Variants in PSMD4 observed in about 807,000 individuals in gnomAD.
PSMD4 encodes 26S proteasome non-ATPase regulatory subunit 4.
A neutral mutation model predicts 39.7 loss-of-function variants in PSMD4; 5 were observed. The observed-to-expected ratio is 0.13, with a 90% CI of 0.07 to 0.26. PSMD4 has a LOEUF of 0.26. Ranked by LOEUF, PSMD4 falls within the 10% of genes least tolerant of loss-of-function variation. The pLI, the probability that PSMD4 is intolerant of heterozygous loss-of-function variation, is 1.00. For synonymous variants in PSMD4, 143 were observed against 174.6 expected (o/e 0.82, Z 1.43); for missense variants, 272 against 486.1 (o/e 0.56, Z 4.14).
chr1:151,262,018 G>T, intron 1 of PSMD4, 143 bp from the exon 2 acceptor site: 9 of 743,308 alleles, frequency 1.2e-5, no homozygotes, highest in Non-Finnish European at 1.7e-5. Context: ...GCTAAGGCTT[G>T]ATCATCTGTA....
chr1:151,264,160 G>A (rs1360392271), intron 3 of PSMD4, 132 bp downstream of exon 3: 1 of 656,750 alleles, frequency 1.5e-6, no homozygotes, highest in Non-Finnish European at 2.6e-6. Flanking sequence ...GAAAGGATAT[G>A]GGGGATGAAT....
Position 151,261,546 on chromosome 1 carries a change from A to G in PSMD4, c.27-615A>G, listed in dbSNP as rs146739799. The stretch of plus-strand genomic sequence containing the variant: ...TGCCATTTAATGGCAGACTTAGAGT[A>G]TTTATCCATGACAAAGCTTAGTAGC... On this transcript the variant is annotated intron_variant, in intron 1 of 9. Coordinates refer to ENST00000368884, the MANE Select transcript of PSMD4 (RefSeq NM_002810.4). Among the ~76,000 whole-genome samples the G allele has an allele frequency of 4.6e-3, 694 of 152,290 alleles. 7 individuals are homozygous for G. Among genetic ancestry groups the G allele is most frequent in the African/African-American group, 0.016 (658 of 41,564 alleles).
In PSMD4 at chr1:151,266,359, G is replaced by A. The variant is rs772634898; in HGVS notation, c.815G>A (p.Arg272His). Reference protein sequence around the residue: ...KMTISQQEFGRTGLPDLSSMT... With the variant: ...KMTISQQEFGHTGLPDLSSMT... ...ACCATCAGCCAGCAAGAGTTTGGCC[G>A]CACTGGGCTTCCTGACCTAAGCAGT... Residue 272 changes from arginine to histidine, a missense_variant, in exon 8 of 10, where the codon CGC (arginine) becomes CAC (histidine). This residue lies in a region of PSMD4 where 113 missense variants were observed against 184.6 expected (regional missense o/e 0.61). Transcript: ENST00000368884. 4.5e-5 allele frequency: 73 copies of A among 1,614,064 alleles called. No individual in the cohort carries two copies. Among genetic ancestry groups the A allele is most frequent in the Middle Eastern group, 3.3e-4 (2 of 6,082 alleles).
At chr1:151,261,464 C>T (rs369501417) in intron 1 of PSMD4, among the ~76,000 whole-genome samples, 9 of 152,036 alleles carry the variant, frequency 5.9e-5, no homozygotes, top group East Asian at 5.8e-4. Flanking sequence ...CATGAGCCAC[C>T]GCGCCCAGCT....
chr1:151,264,740 A>G (rs1188434118), intron 3 of PSMD4, 92 bp from the exon 4 acceptor site: 1 of 1,032,678 alleles, frequency 9.7e-7, no homozygotes, highest in Non-Finnish European at 1.5e-6. Context: ...TTCAGGTACA[A>G]AGAAACTGTA....
rs587772718 is a variant in PSMD4, at chr1:151,257,512, G to T, written c.26+2704G>T. 1.4e-4 allele frequency among the ~76,000 whole-genome samples: 21 copies of T among 152,146 alleles called. No homozygotes were observed. In the South Asian group the frequency reaches 3.3e-3, roughly 24 times the overall value. On this transcript the variant is annotated intron_variant, in intron 1 of 9. Transcript: ENST00000368884. ...GTTTGATAGGAGTAGCATTGAATCT[G>T]TAAATTGCTGTGGGAAGAATGGCCA...
intron 1 of PSMD4, among the ~76,000 whole-genome samples, chr1:151,256,053 G>C (rs1208547388): frequency 3.4e-5 from 4 of 116,434 alleles, no homozygotes; most frequent in Non-Finnish European, 5.6e-5. Context: ...ATCGTCTTTT[G>C]AAAAGTGTCT....
At chr1:151,260,574 C>A (rs997862789) in intron 1 of PSMD4, among the ~76,000 whole-genome samples, 3 of 152,060 alleles carry the variant, frequency 2.0e-5, no homozygotes, top group African/African-American at 2.4e-5. Context: ...ATTTTATAGA[C>A]CTCTTTTTTT....
chr1:151,261,993 A>T (rs1326241827), intron 1 of PSMD4, among the ~76,000 whole-genome samples, 168 bp from the exon 2 acceptor site: 7 of 150,904 alleles, frequency 4.6e-5, no homozygotes, highest in African/African-American at 1.7e-4. Flanking sequence ...GGTTATTCTG[A>T]GTCAATAAAT....
intron 1 of PSMD4, among the ~76,000 whole-genome samples, chr1:151,256,024 G>A (rs1221231912): frequency 6.6e-6 from 1 of 151,366 alleles, no homozygotes; most frequent in Non-Finnish European, 1.5e-5. Flanking sequence ...TTTTTAATAG[G>A]CTTGTTGGCT....
At chr1:151,265,733 A>T in intron 6 of PSMD4, 124 bp downstream of exon 6, 1 of 1,135,730 alleles carries the variant, frequency 8.8e-7, no homozygotes, top group Non-Finnish European at 1.2e-6. Flanking sequence ...ATTTTCCAAG[A>T]CCTCCTTTTG....
At chr1:151,262,354 T>C (rs1693337150) in intron 2 of PSMD4, 53 bp downstream of exon 2, 2 of 1,602,964 alleles carry the variant, frequency 1.2e-6, no homozygotes, top group African/African-American at 1.3e-5. Context: ...TGTTACATGC[T>C]ACTCTTCTTT....
chr1:151,264,535 C>T (rs1476997973), intron 3 of PSMD4, among the ~76,000 whole-genome samples: 7 of 150,996 alleles, frequency 4.6e-5, no homozygotes, highest in African/African-American at 1.7e-4. Context: ...CGCTGGAACC[C>T]GGGAGGTGGA....
chr1:151,257,754 T>A (rs1223563349), intron 1 of PSMD4, among the ~76,000 whole-genome samples: 1 of 119,960 alleles, frequency 8.3e-6, no homozygotes, highest in African/African-American at 3.2e-5. Flanking sequence ...TTAGTAAAGA[T>A]GGGGTTTGGC....
rs1693447814 is a variant in PSMD4 at position 151,266,309 on chromosome 1, C to T, written c.765C>T (p.Asp255=). ...CTGCTCCTCTTTTCCTTTTCCCAGA[C>T]TCAGACGATGCCCTGCTGAAGATGA... ...EAGIATTGTE[D]SDDALLKMTI... is the part of the protein sequence containing the mutation. The change falls in exon 8 of 10, where the codon GAC becomes GAT. Residue 255 remains aspartate, a splice_region_variant and synonymous_variant. Transcript: ENST00000368884. 3.1e-6 allele frequency: 5 copies of T among 1,614,198 alleles called. No homozygotes were observed. The highest frequency in any genetic ancestry group is 1.1e-5 in the South Asian group (1 of 91,090).
At chr1:151,264,598 G>T (rs1412779930) in intron 3 of PSMD4, among the ~76,000 whole-genome samples, 1 of 150,526 alleles carries the variant, frequency 6.6e-6, no homozygotes, top group Admixed American at 6.6e-5. Context: ...GCGACAGAGC[G>T]AGACTCCATC....
intron 1 of PSMD4, among the ~76,000 whole-genome samples, chr1:151,259,996 T>A (rs1055145671): frequency 3.3e-5 from 5 of 151,988 alleles, no homozygotes; most frequent in Non-Finnish European, 5.9e-5. Context: ...GTTGGGAGTT[T>A]GAGACCAACC....
At chr1:151,258,451 GTT>G (rs869128528) in intron 1 of PSMD4, among the ~76,000 whole-genome samples, 50 of 99,582 alleles carry the variant, frequency 5.0e-4, no homozygotes, top group African/African-American at 2.0e-3. Flanking sequence ...CTTTTCGAGT[GTT>G]TTTTTTTTTT....
At chr1:151,265,917 G>A in intron 6 of PSMD4, 87 bp from the exon 7 acceptor site, 4 of 1,466,476 alleles carry the variant, frequency 2.7e-6, no homozygotes, top group South Asian at 1.4e-5. Context: ...GCCCCTTTAT[G>A]TTCCTTTCCC....
Sources: allele counts gnomAD v4.1 joint callset (sites outside exome capture counted in the v4.1 genomes callset), GRCh38; gene constraint gnomAD v4.1.1; regional missense constraint gnomAD v4.1.1; transcripts MANE v1.5; gene names NCBI Gene and HGNC (gene_info 2026-07-23, HGNC 2026-07-21).